RNF125: variants seen among roughly 807,000 people sequenced by gnomAD.
The protein encoded by RNF125 is E3 ubiquitin-protein ligase RNF125.
Under a neutral mutation model 26.0 loss-of-function variants are expected in RNF125, and 21 were observed. The ratio of observed to expected loss-of-function variants is 0.81; its 90% CI spans 0.57 to 1.16. The LOEUF is 1.16. Ranked by LOEUF, RNF125 falls within the 50% of genes most tolerant of loss-of-function variation. The probability of loss-of-function intolerance (pLI) is 0.00; values close to 1 mark genes in which losing one functional copy is unlikely to be tolerated. For synonymous variants in RNF125, 95 were observed against 109.2 expected, an observed-to-expected ratio of 0.87 and a Z score of 0.81; for missense variants, 270 against 299.4, an observed-to-expected ratio of 0.90 and a Z score of 0.72.
chr18:32,055,621 G>A (rs1000655936), intron 4 of RNF125, among the ~76,000 whole-genome samples: 4 of 152,082 alleles, frequency 2.6e-5, no homozygotes, highest in Non-Finnish European at 4.4e-5. Context: ...GGGGGAAACT[G>A]CCCCCATGAT....
the RNF125 span, among the ~76,000 whole-genome samples, chr18:32,086,749 C>T: frequency 2.0e-5 from 3 of 152,208 alleles, no homozygotes; most frequent in East Asian, 5.8e-4. Flanking sequence ...GAACTCCCGA[C>T]CTCAGGTGAT....
At chr18:32,030,442 G>A (rs2039082046) in intron 1 of RNF125, among the ~76,000 whole-genome samples, 2 of 152,244 alleles carry the variant, frequency 1.3e-5, no homozygotes, top group South Asian at 4.1e-4. Context: ...GGTCAAGTAT[G>A]AGCAGTAAAG....
intron 4 of RNF125, among the ~76,000 whole-genome samples, chr18:32,059,148 T>C (rs922650489): frequency 1.3e-5 from 2 of 152,194 alleles, no homozygotes; most frequent in East Asian, 3.8e-4. Context: ...GGAGTAGGAT[T>C]GCTGGATCAT....
intron 1 of RNF125, among the ~76,000 whole-genome samples, chr18:32,033,008 A>C (rs1364299387): frequency 6.6e-6 from 1 of 152,212 alleles, no homozygotes; most frequent in Non-Finnish European, 1.5e-5. Flanking sequence ...TGAAATGAAA[A>C]TGGCAGAATT....
At chr18:32,050,731 A>T (rs2039315584) in intron 4 of RNF125, among the ~76,000 whole-genome samples, 1 of 151,766 alleles carries the variant, frequency 6.6e-6, no homozygotes, top group Non-Finnish European at 1.5e-5. Context: ...GAATTATGAG[A>T]CCACTTTTTT....
the RNF125 span, among the ~76,000 whole-genome samples, chr18:32,083,406 G>T: frequency 6.6e-6 from 1 of 152,160 alleles, no homozygotes; most frequent in Non-Finnish European, 1.5e-5. Flanking sequence ...ATATTAAGGG[G>T]TAAGGCTGGA....
chr18:32,047,156 C>A (rs535291734), intron 4 of RNF125, among the ~76,000 whole-genome samples: 4 of 152,186 alleles, frequency 2.6e-5, no homozygotes, highest in African/African-American at 9.6e-5. Flanking sequence ...CCTGCCTCAG[C>A]CTCCTGAGTA....
chr18:32,057,796 A>G (rs942515756), intron 4 of RNF125, among the ~76,000 whole-genome samples: 1 of 152,152 alleles, frequency 6.6e-6, no homozygotes, highest in Non-Finnish European at 1.5e-5. Flanking sequence ...AAACTTTATC[A>G]TGCATGAGAA....
intron 1 of RNF125, among the ~76,000 whole-genome samples, chr18:32,023,752 A>G (rs1345870186): frequency 6.6e-6 from 1 of 152,144 alleles, no homozygotes; most frequent in African/African-American, 2.4e-5. Context: ...AAGGTAAATT[A>G]TTTTGCTCAC....
At chr18:32,057,043 T>C (rs949722645) in intron 4 of RNF125, among the ~76,000 whole-genome samples, 1 of 152,014 alleles carries the variant, frequency 6.6e-6, no homozygotes. Context: ...ACTGTGTGAG[T>C]GCTTGAAGTT....
intron 4 of RNF125, among the ~76,000 whole-genome samples, chr18:32,046,513 T>C (rs1019689704): frequency 1.4e-5 from 2 of 146,786 alleles, no homozygotes; most frequent in African/African-American, 2.5e-5. Context: ...AGGAGAATGG[T>C]GTGAACCCGG....
chr18:32,089,461 G>A, the RNF125 span, among the ~76,000 whole-genome samples: 6 of 152,194 alleles, frequency 3.9e-5, no homozygotes, highest in African/African-American at 1.4e-4. Context: ...TTACCAAATC[G>A]GTCTACATCT....
intron 1 of RNF125, among the ~76,000 whole-genome samples, chr18:32,029,661 A>G (rs2039073354): frequency 6.6e-6 from 1 of 152,052 alleles, no homozygotes; most frequent in Admixed American, 6.6e-5. Flanking sequence ...ATACTCAAAG[A>G]CATTTGTTGT....
chr18:32,068,441 T>A lies in RNF125; in HGVS notation c.*57T>A, dbSNP rs1287157019. 2.0e-6 allele frequency: 2 copies of A among 976,966 alleles called. No individual in the cohort carries two copies. The highest frequency in any genetic ancestry group is 3.3e-6 in the Non-Finnish European group (2 of 607,256). The allele number at this position is 976,966 out of a possible 1,614,324, so 60.5% of individuals were successfully genotyped here. A position where few individuals can be genotyped will look rare whatever the true frequency, so the allele number is the denominator to read the frequency against. On this transcript the variant is annotated 3_prime_UTR_variant, in exon 6 of 6. Transcript: ENST00000217740. ...GAATTGCACCATTTAAGATGCTGCT[T>A]GAACAAATGGGAGGGAAGTTGTCAA... is the stretch of plus-strand genomic sequence containing the variant.
At position 32,037,141 on chromosome 18, in the gene RNF125, A is replaced by C; in HGVS notation, c.190A>C (p.Ser64Arg). 1 of 1,605,228 alleles carries C rather than the reference A, an allele frequency of 6.2e-7. No individual in the cohort carries two copies. The highest frequency in any genetic ancestry group is 8.5e-7 in the Non-Finnish European group (1 of 1,177,108). ...ATTCTGCCGTTCCTGTATTGCTACC[A>C]GTCTAAAGAACAACAAGTGGACCTG... is the stretch of plus-strand genomic sequence containing the variant. ...HVFCRSCIATSLKNNKWTCPY... is the reference protein window; with the variant it reads ...HVFCRSCIATRLKNNKWTCPY... Residue 64 changes from serine (S) to arginine (R), a missense_variant, in exon 2 of 6, where the codon AGT becomes CGT. Transcript: ENST00000217740.
intron 1 of RNF125, among the ~76,000 whole-genome samples, chr18:32,026,886 A>G (rs2039041789): frequency 6.6e-6 from 1 of 152,220 alleles, no homozygotes; most frequent in Non-Finnish European, 1.5e-5. Flanking sequence ...TTCAAAATCC[A>G]GATCATTCCC....
intron 3 of RNF125, among the ~76,000 whole-genome samples, chr18:32,042,778 TGG>T (rs1252174857): frequency 1.3e-5 from 2 of 149,772 alleles, no homozygotes; most frequent in African/African-American, 4.9e-5. Context: ...TAATCTCGTA[TGG>T]GGGTAGGGGA....
chr18:32,082,712 A>G, the RNF125 span, among the ~76,000 whole-genome samples: 7 of 152,194 alleles, frequency 4.6e-5, no homozygotes, highest in African/African-American at 1.4e-4. Flanking sequence ...AATTTCCCCT[A>G]TAATGAAAAT....
At chr18:32,052,955 AC>A (rs1458241090) in intron 4 of RNF125, among the ~76,000 whole-genome samples, 2 of 152,206 alleles carry the variant, frequency 1.3e-5, no homozygotes, top group African/African-American at 4.8e-5. Context: ...TGCTATTAGA[AC>A]TTAAGAAAAG....
Sources: allele counts gnomAD v4.1 joint callset (sites outside exome capture counted in the v4.1 genomes callset), GRCh38; gene constraint gnomAD v4.1.1; transcripts MANE v1.5; gene names NCBI Gene and HGNC (gene_info 2026-07-23, HGNC 2026-07-21).